Variants in FHOD3 observed in about 807,000 individuals in gnomAD.
The protein encoded by FHOD3 is formin homology 2 domain containing 3.
Under a neutral mutation model 173.0 loss-of-function variants are expected in FHOD3, and 90 were observed. The observed-to-expected ratio is 0.52, with a 90% CI of 0.44 to 0.62. The LOEUF (loss-of-function observed/expected upper bound fraction) is 0.62, where lower values mean the gene tolerates loss of function less well. FHOD3 is among the 20% of genes least tolerant of loss of function. The probability of loss-of-function intolerance (pLI) is 0.00; values close to 1 mark genes in which losing one functional copy is unlikely to be tolerated. For synonymous variants in FHOD3, 828 were observed against 823.0 expected (o/e 1.01, Z -0.10); for missense variants, 1,945 against 2,034.7 (o/e 0.96, Z 0.85).
intron 14 of FHOD3, among the ~76,000 whole-genome samples, chr18:36,681,009 C>T (rs1001632532): frequency 7.2e-5 from 11 of 152,044 alleles, no homozygotes; most frequent in Non-Finnish European, 1.6e-4. Flanking sequence ...TTCTAATGAT[C>T]CTGTTACCCA....
chr18:36,589,490 A>G (rs565092913), intron 6 of FHOD3, among the ~76,000 whole-genome samples: 88 of 152,324 alleles, frequency 5.8e-4, no homozygotes, highest in Admixed American at 1.8e-3. Flanking sequence ...GGCTGGATCC[A>G]GTTCTGAGCC....
chr18:36,593,585 A>C (rs2029864198), intron 6 of FHOD3, among the ~76,000 whole-genome samples: 1 of 152,164 alleles, frequency 6.6e-6, no homozygotes, highest in South Asian at 2.1e-4. Context: ...TAACACTGTG[A>C]TGTGGGCAGA....
intron 10 of FHOD3, among the ~76,000 whole-genome samples, chr18:36,627,214 A>G (rs544061666): frequency 2.0e-4 from 31 of 152,338 alleles, no homozygotes; most frequent in African/African-American, 7.2e-4. Flanking sequence ...AGAAGTTAAC[A>G]TGAAGAGAAT....
At chr18:36,637,684 T>C (rs941538192) in intron 10 of FHOD3, among the ~76,000 whole-genome samples, 1 of 152,206 alleles carries the variant, frequency 6.6e-6, no homozygotes. Flanking sequence ...ATGAGTAGCT[T>C]TAGAAGAGGG....
At chr18:36,667,480 C>A (rs571764235) in intron 14 of FHOD3, among the ~76,000 whole-genome samples, 1 of 152,254 alleles carries the variant, frequency 6.6e-6, no homozygotes, top group Non-Finnish European at 1.5e-5. Context: ...AAGCTCCAGT[C>A]CCAGATGTCC....
chr18:36,578,308 AGT>A (rs2058729756), intron 6 of FHOD3, among the ~76,000 whole-genome samples: 1 of 152,056 alleles, frequency 6.6e-6, no homozygotes, highest in Non-Finnish European at 1.5e-5. Flanking sequence ...CAGGCAAGAG[AGT>A]GTGTGCAGGG....
chr18:36,746,624 C>T (rs2042167341), intron 23 of FHOD3, among the ~76,000 whole-genome samples: 2 of 151,824 alleles, frequency 1.3e-5, no homozygotes. Flanking sequence ...ATTTATGAGA[C>T]ATCTTCTTAG....
chr18:36,761,988 G>T (rs532796147), intron 27 of FHOD3, among the ~76,000 whole-genome samples: 1 of 151,762 alleles, frequency 6.6e-6, no homozygotes, highest in Non-Finnish European at 1.5e-5. Context: ...TGAATATTGC[G>T]CCCACCAGAC....
intron 10 of FHOD3, among the ~76,000 whole-genome samples, chr18:36,626,513 G>T (rs2034121269): frequency 6.6e-6 from 1 of 152,202 alleles, no homozygotes; most frequent in African/African-American, 2.4e-5. Flanking sequence ...GGCCATGCCT[G>T]CTCCAGAGTC....
intron 28 of FHOD3, among the ~76,000 whole-genome samples, chr18:36,772,762 T>C (rs537654938): frequency 9.2e-5 from 14 of 152,322 alleles, no homozygotes; most frequent in African/African-American, 3.1e-4. Context: ...CAGGGGCACA[T>C]TGAGTAAAAT....
intron 19 of FHOD3, among the ~76,000 whole-genome samples, chr18:36,719,364 G>A (rs747844732): frequency 2.0e-5 from 3 of 152,178 alleles, no homozygotes; most frequent in Non-Finnish European, 4.4e-5. Context: ...TTTATCAATG[G>A]AAACACTGTA....
intron 1 of FHOD3, among the ~76,000 whole-genome samples, chr18:36,307,745 C>T (rs191568544): frequency 2.4e-4 from 36 of 152,306 alleles, no homozygotes; most frequent in Admixed American, 2.4e-3. Flanking sequence ...GAAGGAAAGA[C>T]TAACAAACAA....
chr18:36,319,230 T>A lies in FHOD3; in HGVS notation c.165+21230T>A, dbSNP rs551482834. On this transcript the variant is annotated intron_variant, in intron 1 of 28. Transcript: ENST00000590592. The stretch of plus-strand genomic sequence containing the variant: ...GTGTGCTGATTTCAGGAGACCCATC[T>A]CACGTGAAAAGACACACATAGGCTC... Among the ~76,000 whole-genome samples, 373 of 152,204 alleles carry A rather than the reference T, an allele frequency of 2.5e-3. 3 individuals are homozygous for A. Among genetic ancestry groups the A allele is most frequent in the Middle Eastern group, 0.02 (6 of 294 alleles).
At chr18:36,532,323 C>T (rs897923599) in intron 5 of FHOD3, among the ~76,000 whole-genome samples, 3 of 152,176 alleles carry the variant, frequency 2.0e-5, no homozygotes, top group African/African-American at 7.2e-5. Flanking sequence ...TAGGAAACTC[C>T]AGGACCCATA....
intron 17 of FHOD3, among the ~76,000 whole-genome samples, chr18:36,707,325 G>A (rs897113274): frequency 6.6e-6 from 1 of 152,078 alleles, no homozygotes; most frequent in African/African-American, 2.4e-5. Flanking sequence ...CTGGAAGCAG[G>A]TTCCTGCCCC....
At position 36,718,595 on chromosome 18, in the gene FHOD3, A is replaced by T. The variant is rs2040592721; in HGVS notation, c.3297A>T (p.Pro1099=). ...ATGAAGTTCGGCCTTTTGACTGGCC[A>T]TGTAAAAACAACCGACGCTGCAGAG... The part of the protein sequence containing the change: ...FWNEVRPFDW[P]CKNNRRCREF... The change falls in exon 19 of 29, where the codon CCA becomes CCT. Residue 1099 remains proline (P), a synonymous_variant. Transcript: ENST00000590592. 1 of 1,614,190 alleles carries T rather than the reference A, an allele frequency of 6.2e-7. No individual in the cohort carries two copies. Among genetic ancestry groups the T allele is most frequent in the Non-Finnish European group, 8.5e-7 (1 of 1,180,044 alleles).
chr18:36,502,045 G>T, intron 4 of FHOD3, 46 bp downstream of exon 4: 1 of 1,309,450 alleles, frequency 7.6e-7, no homozygotes, highest in East Asian at 2.4e-5. Flanking sequence ...ACATTGCTGT[G>T]AAATTAGATA....
chr18:36,465,342 A>G (rs1294709148), intron 3 of FHOD3, among the ~76,000 whole-genome samples: 3 of 152,094 alleles, frequency 2.0e-5, no homozygotes, highest in Non-Finnish European at 4.4e-5. Flanking sequence ...AAACAATTAG[A>G]CACGGATCTC....
intron 14 of FHOD3, among the ~76,000 whole-genome samples, chr18:36,671,876 A>G (rs532014344): frequency 1.3e-5 from 2 of 152,322 alleles, no homozygotes; most frequent in East Asian, 3.9e-4. Context: ...GTTCATTCAC[A>G]AAACAGTGAA....
Sources: allele counts gnomAD v4.1 joint callset (sites outside exome capture counted in the v4.1 genomes callset), GRCh38; gene constraint gnomAD v4.1.1; transcripts MANE v1.5; gene names NCBI Gene and HGNC (gene_info 2026-07-23, HGNC 2026-07-21).